SERGEF: variants seen among roughly 807,000 people sequenced by gnomAD.
SERGEF encodes secretion regulating guanine nucleotide exchange factor, also known as secretion-regulating guanine nucleotide exchange factor.
SERGEF carries 51 observed loss-of-function variants against 50.0 expected under a neutral mutation model. The observed-to-expected ratio is 1.02, with a 90% CI of 0.81 to 1.29. The LOEUF (loss-of-function observed/expected upper bound fraction) is 1.29, where lower values mean the gene tolerates loss of function less well. Ranked by LOEUF, SERGEF falls within the 50% of genes most tolerant of loss-of-function variation. The probability of loss-of-function intolerance (pLI) is 0.00; values close to 1 mark genes in which losing one functional copy is unlikely to be tolerated. For synonymous variants in SERGEF, 205 were observed against 212.4 expected (o/e 0.97, Z 0.30); for missense variants, 521 against 557.0 (o/e 0.94, Z 0.65).
intron 10 of SERGEF, among the ~76,000 whole-genome samples, chr11:17,798,259 A>T (rs142343617): frequency 4.3e-4 from 65 of 152,096 alleles, no homozygotes; most frequent in Admixed American, 1.1e-3. Context: ...ATAGGAGGAA[A>T]CTGAGGCCCA....
At chr11:17,850,736 C>A (rs1430117122) in intron 10 of SERGEF, among the ~76,000 whole-genome samples, 2 of 152,212 alleles carry the variant, frequency 1.3e-5, no homozygotes, top group Admixed American at 6.5e-5. Context: ...GGGATATTTT[C>A]CCACTCTATC....
At chr11:17,990,223 T>C (rs1185392672) in intron 7 of SERGEF, among the ~76,000 whole-genome samples, 2 of 152,180 alleles carry the variant, frequency 1.3e-5, no homozygotes, top group Non-Finnish European at 2.9e-5. Flanking sequence ...CAGTTCAAGT[T>C]CCATCTGTTA....
intron 10 of SERGEF, among the ~76,000 whole-genome samples, chr11:17,814,067 A>T (rs1049754759): frequency 8.5e-5 from 13 of 152,338 alleles, no homozygotes; most frequent in African/African-American, 3.1e-4. Context: ...AAAAGGAGGG[A>T]GGAAGGGAAG....
At chr11:18,001,821 C>T (rs1853967564) in intron 4 of SERGEF, 1 of 241,742 alleles carries the variant, frequency 4.1e-6, no homozygotes, top group Admixed American at 5.2e-5. Flanking sequence ...CAATCTTTCT[C>T]TTTTAAAGGA....
chr11:17,919,777 G>A (rs796132683), intron 9 of SERGEF, among the ~76,000 whole-genome samples: 9 of 152,146 alleles, frequency 5.9e-5, no homozygotes, highest in African/African-American at 2.2e-4. Context: ...ATATCTGCAT[G>A]GCTAAGTCCC....
At chr11:17,834,150 AG>A (rs1590144184) in intron 10 of SERGEF, among the ~76,000 whole-genome samples, 1 of 152,062 alleles carries the variant, frequency 6.6e-6, no homozygotes, top group African/African-American at 2.4e-5. Flanking sequence ...TAATTGAATC[AG>A]GGGGGCAAGT....
intron 9 of SERGEF, among the ~76,000 whole-genome samples, chr11:17,903,512 T>C (rs542350): frequency 0.55 from 83,115 of 152,092 alleles, 24,049 homozygotes; most frequent in African/African-American, 0.75. Flanking sequence ...CTAGATAGAT[T>C]GTAGAATGTT....
At chr11:17,954,302 A>C (rs1852823001) in intron 9 of SERGEF, among the ~76,000 whole-genome samples, 1 of 152,162 alleles carries the variant, frequency 6.6e-6, no homozygotes, top group Non-Finnish European at 1.5e-5. Context: ...GAAATGTATT[A>C]AATATAGGAA....
Position 17,885,636 on chromosome 11 carries a change from AT to A in SERGEF, c.1012-7393del, listed in dbSNP as rs111936875. Among the ~76,000 whole-genome samples, 899 of 149,672 alleles carry A rather than the reference AT, an allele frequency of 6.0e-3. 4 individuals carry two copies. The highest frequency in any genetic ancestry group is 0.011 in the Non-Finnish European group (729 of 67,164). On this transcript the variant is annotated intron_variant, in intron 9 of 10. Coordinates refer to ENST00000265965, the MANE Select transcript of SERGEF (RefSeq NM_012139.4). ...ACCGTACATGCATGGGCATGATCTG[AT>A]TTTTTTTTTAATTAAAGTTGTCACA...
intron 10 of SERGEF, among the ~76,000 whole-genome samples, chr11:17,816,960 C>T (rs149779289): frequency 3.9e-5 from 6 of 152,282 alleles, no homozygotes; most frequent in African/African-American, 1.4e-4. Flanking sequence ...CCTTCAAGGA[C>T]ATGGAAGAGT....
chr11:17,989,382 T>C (rs1565224303), intron 7 of SERGEF, among the ~76,000 whole-genome samples: 1 of 152,198 alleles, frequency 6.6e-6, no homozygotes, highest in Admixed American at 6.5e-5. Flanking sequence ...CTGGATCTGC[T>C]AACTAGCTAT....
At chr11:17,937,997 C>T (rs1852487200) in intron 9 of SERGEF, among the ~76,000 whole-genome samples, 1 of 152,198 alleles carries the variant, frequency 6.6e-6, no homozygotes, top group South Asian at 2.1e-4. Context: ...TCCAGGGGAA[C>T]AACCCTAGCA....
chr11:17,973,744 A>T (rs1250963212), intron 8 of SERGEF, among the ~76,000 whole-genome samples: 5 of 152,154 alleles, frequency 3.3e-5, no homozygotes, highest in African/African-American at 1.2e-4. Context: ...ATGGGAAAAC[A>T]TTCTCCCACC....
At chr11:17,971,337 C>T (rs1853245299) in intron 8 of SERGEF, among the ~76,000 whole-genome samples, 1 of 152,230 alleles carries the variant, frequency 6.6e-6, no homozygotes, top group Admixed American at 6.5e-5. Flanking sequence ...TACACAACAG[C>T]TTTTCAATGT....
rs1854233562 is a variant in SERGEF at position 18,012,990 on chromosome 11, G to A, written c.21C>T (p.Ala7=). 3 of 1,459,162 alleles carry A rather than the reference G, an allele frequency of 2.1e-6. No homozygotes were observed. The East Asian group carries it at 8.7e-5, about 42-fold the overall frequency. The allele number at this position is 1,459,162 out of a possible 1,614,324, so 90.4% of individuals were successfully genotyped here. A position where few individuals can be genotyped will look rare whatever the true frequency, so the allele number is the denominator to read the frequency against. Residue 7 remains alanine (A), a synonymous_variant, in exon 1 of 11, where the codon GCC becomes GCT. Transcript: ENST00000265965. ...CGGCCGCCGCGGGGGCGGCCTCCGA[G>A]GCGCTGGGCTCGCGCTCCATGCGAG... MEREPS[A]SEAAPAAAAL...
intron 10 of SERGEF, among the ~76,000 whole-genome samples, chr11:17,825,850 A>C (rs1009402480): frequency 6.6e-6 from 1 of 152,228 alleles, no homozygotes; most frequent in African/African-American, 2.4e-5. Context: ...TGAAACATCA[A>C]GATGAAGTCA....
intron 10 of SERGEF, among the ~76,000 whole-genome samples, chr11:17,809,900 G>A (rs954363540): frequency 3.9e-5 from 6 of 152,152 alleles, no homozygotes; most frequent in Non-Finnish European, 7.3e-5. Flanking sequence ...CTGAGTTCAG[G>A]AAAACATTTG....
chr11:17,990,910 G>T (rs1853701150), intron 7 of SERGEF, among the ~76,000 whole-genome samples: 1 of 152,054 alleles, frequency 6.6e-6, no homozygotes, highest in African/African-American at 2.4e-5. Flanking sequence ...GGGATTACAG[G>T]CACGTGCCAC....
chr11:17,955,704 T>C (rs769836527), intron 9 of SERGEF, among the ~76,000 whole-genome samples: 1 of 151,966 alleles, frequency 6.6e-6, no homozygotes, highest in Non-Finnish European at 1.5e-5. Flanking sequence ...GTCCAGGGAA[T>C]AAGGAACAGC....
Sources: allele counts gnomAD v4.1 joint callset (sites outside exome capture counted in the v4.1 genomes callset), GRCh38; gene constraint gnomAD v4.1.1; transcripts MANE v1.5; gene names NCBI Gene and HGNC (gene_info 2026-07-23, HGNC 2026-07-21).